The following ESR1 variants were observed in gnomAD, a reference collection of about 807,000 sequenced individuals.
ESR1 encodes the protein estrogen receptor.
A neutral mutation model predicts 52.7 loss-of-function variants in ESR1; 12 were observed. That is an observed-to-expected ratio of 0.23 (90% CI 0.15 to 0.37). The LOEUF (loss-of-function observed/expected upper bound fraction) is 0.37. Among genes scored for constraint, ESR1 ranks in the 10% least tolerant of loss-of-function variants. The pLI is 1.00. For synonymous variants in ESR1, 305 were observed against 316.8 expected, an observed-to-expected ratio of 0.96 and a Z score of 0.39; for missense variants, 584 against 779.7, an observed-to-expected ratio of 0.75 and a Z score of 2.99.
intron 3 of ESR1, 26 bp from the exon 4 acceptor site, chr6:151,944,147 A>T (rs764597452): frequency 9.8e-6 from 15 of 1,537,598 alleles, no homozygotes; most frequent in Admixed American, 1.7e-5. Flanking sequence ...AAATAAACTA[A>T]TTTTTTTTTC....
At chr6:151,803,744 T>C (rs1374453247), upstream of ESR1, among the ~76,000 whole-genome samples, 2 of 151,778 alleles carry the variant, frequency 1.3e-5, no homozygotes, top group Admixed American at 1.3e-4. Context: ...AAAAGAGAGA[T>C]TGTAAAGCTA....
chr6:152,092,014 TGACACAGAG>T (rs917835885), intron 6 of ESR1, among the ~76,000 whole-genome samples: 36 of 152,122 alleles, frequency 2.4e-4, no homozygotes, highest in African/African-American at 8.2e-4. Flanking sequence ...CTGGGTATGA[TGACACAGAG>T]GACTGTGAGA....
chr6:152,128,805 C>T (rs1236012690), exon 7 of ESR1: 1 of 152,174 alleles, frequency 6.6e-6, no homozygotes, highest in African/African-American at 2.4e-5. Flanking sequence ...ACCACGACAG[C>T]CTGGACTGTG....
At chr6:151,902,693 T>G (rs1796872463) in intron 3 of ESR1, among the ~76,000 whole-genome samples, 1 of 152,224 alleles carries the variant, frequency 6.6e-6, no homozygotes. Context: ...ACGACAATAA[T>G]AATACTAACT....
chr6:151,916,217 G>T (rs1179254177), intron 3 of ESR1, among the ~76,000 whole-genome samples: 1 of 152,150 alleles, frequency 6.6e-6, no homozygotes, highest in Non-Finnish European at 1.5e-5. Context: ...TTTTAATGGG[G>T]AGTTGCTAAT....
intron 5 of ESR1, among the ~76,000 whole-genome samples, chr6:152,016,208 T>C (rs1423167051): frequency 6.6e-6 from 1 of 152,188 alleles, no homozygotes; most frequent in Non-Finnish European, 1.5e-5. Flanking sequence ...TCCTCAGCCA[T>C]GTGGAACTCT....
chr6:151,755,935 C>T (rs916759724), intron 2 of ESR1, among the ~76,000 whole-genome samples: 1 of 151,918 alleles, frequency 6.6e-6, no homozygotes, highest in African/African-American at 2.4e-5. Flanking sequence ...CCAGCCATGA[C>T]TCTTTTCAAA....
chr6:152,056,468 G>A (rs575133258), intron 5 of ESR1, among the ~76,000 whole-genome samples: 1 of 152,202 alleles, frequency 6.6e-6, no homozygotes, highest in South Asian at 2.1e-4. Flanking sequence ...ATTTTGTAAG[G>A]CATATTTTTG....
intron 1 of ESR1, among the ~76,000 whole-genome samples, chr6:151,824,913 T>G (rs1382637032): frequency 2.8e-5 from 4 of 143,120 alleles, no homozygotes; most frequent in Non-Finnish European, 6.0e-5. Context: ...AGAGCGAGAC[T>G]CCATCTCAAA....
chr6:151,962,711 G>T (rs150107959), intron 4 of ESR1, among the ~76,000 whole-genome samples: 3 of 152,160 alleles, frequency 2.0e-5, no homozygotes, highest in Non-Finnish European at 4.4e-5. Context: ...GCGTAATCAT[G>T]TGCTTGCTCT....
chr6:151,821,443 CT>C (rs1014024352), intron 1 of ESR1, among the ~76,000 whole-genome samples: 2 of 152,188 alleles, frequency 1.3e-5, no homozygotes, highest in Non-Finnish European at 2.9e-5. Context: ...ATTTCCTATA[CT>C]TCCATTTAGA....
chr6:151,685,852 A>T (rs1778643798), upstream of ESR1, among the ~76,000 whole-genome samples: 1 of 152,164 alleles, frequency 6.6e-6, no homozygotes, highest in South Asian at 2.1e-4. Context: ...GGAGGCACAT[A>T]ATTTATGAAA....
At chr6:152,078,179 C>T (rs748842562) in intron 6 of ESR1, among the ~76,000 whole-genome samples, 10 of 152,204 alleles carry the variant, frequency 6.6e-5, no homozygotes, top group Non-Finnish European at 1.5e-4. Context: ...GAGTAAGTCT[C>T]ACGAGATCTC....
intron 3 of ESR1, among the ~76,000 whole-genome samples, chr6:151,935,522 T>C (rs1301407258): frequency 6.6e-6 from 1 of 152,200 alleles, no homozygotes; most frequent in Non-Finnish European, 1.5e-5. Context: ...GCAGGCTGCA[T>C]GCAGGTGGGG....
At chr6:151,915,783 C>T (rs1302952782) in intron 3 of ESR1, among the ~76,000 whole-genome samples, 1 of 152,072 alleles carries the variant, frequency 6.6e-6, no homozygotes, top group Non-Finnish European at 1.5e-5. Context: ...TTTTTTTCTG[C>T]TACCCTGTTG....
intron 1 of ESR1, among the ~76,000 whole-genome samples, chr6:151,679,524 A>G (rs1380259518): frequency 6.6e-6 from 1 of 151,756 alleles, no homozygotes; most frequent in Non-Finnish European, 1.5e-5. Flanking sequence ...TAATTTTTGT[A>G]TTTTTAGTAG....
rs970286036 is a variant in ESR1 at position 152,100,800 on chromosome 6, A to C, written c.*1834A>C. 2 of 230,196 alleles carry C rather than the reference A, an allele frequency of 8.7e-6. No homozygotes were observed. The highest frequency in any genetic ancestry group is 1.7e-5 in the Non-Finnish European group (2 of 116,220). 14.3% of individuals were successfully genotyped at this position (230,196 alleles called of 1,614,324 possible). A position where few individuals can be genotyped will look rare whatever the true frequency, so the allele number is the denominator to read the frequency against. ...AAAAAAAAAAAAAGTTTTTATGTGCACTTAAATTTGGGGACAATTTTATGT... is the reference window on the plus strand; with the variant it reads ...AAAAAAAAAAAAAGTTTTTATGTGCCCTTAAATTTGGGGACAATTTTATGT... On this transcript the variant is annotated 3_prime_UTR_variant, in exon 8 of 8. Transcript: ENST00000206249.
intron 6 of ESR1, among the ~76,000 whole-genome samples, chr6:152,085,160 T>C (rs764338778): frequency 2.0e-5 from 3 of 152,030 alleles, no homozygotes; most frequent in Non-Finnish European, 4.4e-5. Context: ...AGGTATAGCT[T>C]GGCATGGTGG....
chr6:151,692,308 T>C lies in ESR1; in HGVS notation c.-202+1644T>C, dbSNP rs186890260. Among the ~76,000 whole-genome samples, 11 of 152,322 alleles carry C rather than the reference T, an allele frequency of 7.2e-5. No individual in the cohort carries two copies. The East Asian group carries it at 2.1e-3, about 29-fold the overall frequency. ...TTTACATCAGGCATCTGCTAAACAT[T>C]TTCACATGGTTATCTGCAGGTCTTC... On this transcript the variant is annotated intron_variant, in intron 1 of 2. Coordinates refer to the ESR1 transcript ENST00000404742.
Sources: gnomAD v4.1 joint callset for allele counts (sites outside exome capture counted in the v4.1 genomes callset) on GRCh38, gnomAD v4.1.1 for gene constraint, MANE v1.5 for transcripts, NCBI Gene and HGNC (gene_info 2026-07-23, HGNC 2026-07-21) for gene names.